The following PTER variants were observed in gnomAD, a reference collection of about 807,000 sequenced individuals.
PTER encodes the protein N-acetyltaurine hydrolase.
PTER carries 38 observed loss-of-function variants against 29.6 expected under a neutral mutation model. The ratio of observed to expected loss-of-function variants is 1.28; its 90% CI spans 0.99 to 1.68. The LOEUF (loss-of-function observed/expected upper bound fraction) is 1.68, where lower values mean the gene tolerates loss of function less well. PTER is among the 40% of genes most tolerant of loss of function. PTER has a pLI of 0.00. For synonymous variants in PTER, 172 were observed against 154.5 expected, an observed-to-expected ratio of 1.11 and a Z score of -0.84; for missense variants, 482 against 427.8, an observed-to-expected ratio of 1.13 and a Z score of -1.12.
At chr10:16,449,067 GT>G (rs1479970742) in intron 1 of PTER, among the ~76,000 whole-genome samples, 1 of 152,242 alleles carries the variant, frequency 6.6e-6, no homozygotes, top group African/African-American at 2.4e-5. Flanking sequence ...GAACAGGGAT[GT>G]GGTGGGAATC....
At chr10:16,439,063 A>C (rs1833759543) in intron 1 of PTER, among the ~76,000 whole-genome samples, 1 of 152,180 alleles carries the variant, frequency 6.6e-6, no homozygotes, top group African/African-American at 2.4e-5. Context: ...GCAGCCCTCA[A>C]ACCAGAATAG....
At chr10:16,508,217 C>T (rs7072182) in intron 4 of PTER, among the ~76,000 whole-genome samples, 4,364 of 151,732 alleles carry the variant, frequency 0.029, 187 homozygotes, top group African/African-American at 0.099. Context: ...TACAGGCACC[C>T]GCCACCACGC....
At chr10:16,473,744 T>C (rs1835151359) in intron 1 of PTER, among the ~76,000 whole-genome samples, 1 of 152,112 alleles carries the variant, frequency 6.6e-6, no homozygotes, top group African/African-American at 2.4e-5. Context: ...CTGAAAGAGA[T>C]ATTGGAGAAA....
chr10:16,449,027 T>A (rs1045564542), intron 1 of PTER, among the ~76,000 whole-genome samples: 6 of 152,264 alleles, frequency 3.9e-5, no homozygotes, highest in African/African-American at 1.4e-4. Flanking sequence ...AAGATCCGTC[T>A]GTCTTCTGCA....
chr10:16,457,073 G>A (rs1834429333), intron 1 of PTER, among the ~76,000 whole-genome samples: 1 of 152,078 alleles, frequency 6.6e-6, no homozygotes, highest in Non-Finnish European at 1.5e-5. Context: ...TTTATCAGCA[G>A]CATGAAAACA....
intron 4 of PTER, among the ~76,000 whole-genome samples, chr10:16,509,268 T>G (rs542692871): frequency 6.6e-6 from 1 of 151,554 alleles, no homozygotes; most frequent in South Asian, 2.1e-4. Context: ...TGATTGTGTG[T>G]CCAGAGCCAT....
chr10:16,497,941 A>T (rs774681983), intron 3 of PTER, among the ~76,000 whole-genome samples: 1 of 152,058 alleles, frequency 6.6e-6, no homozygotes, highest in Non-Finnish European at 1.5e-5. Flanking sequence ...TTAGCTGATG[A>T]CAATTTATTT....
At chr10:16,470,300 A>G (rs1448432751) in intron 1 of PTER, among the ~76,000 whole-genome samples, 1 of 152,250 alleles carries the variant, frequency 6.6e-6, no homozygotes, top group Non-Finnish European at 1.5e-5. Flanking sequence ...AAAAGGCATT[A>G]TTGTTGGTTC....
chr10:16,491,716 G>A (rs946275613), intron 3 of PTER, among the ~76,000 whole-genome samples: 8 of 152,104 alleles, frequency 5.3e-5, no homozygotes, highest in Non-Finnish European at 7.4e-5. Context: ...TAATCAGGCC[G>A]TCGCTGTGCT....
intron 1 of PTER, among the ~76,000 whole-genome samples, chr10:16,451,160 T>C (rs7094422): frequency 0.58 from 88,147 of 151,958 alleles, 26,973 homozygotes; most frequent in African/African-American, 0.78. Context: ...GCCTCCAGCA[T>C]GGGAGAAAGA....
intron 3 of PTER, among the ~76,000 whole-genome samples, chr10:16,504,677 A>G (rs1235347894): frequency 6.6e-6 from 1 of 152,328 alleles, no homozygotes; most frequent in Middle Eastern, 3.4e-3. Flanking sequence ...AATTTACCCC[A>G]TTAAGGATTC....
intron 4 of PTER, among the ~76,000 whole-genome samples, chr10:16,507,427 C>T (rs10904760): frequency 6.6e-6 from 1 of 151,184 alleles, no homozygotes; most frequent in Non-Finnish European, 1.5e-5. Context: ...AAGTGGTTGC[C>T]GTGGAAGTAG....
rs1276249312 is a variant in PTER at position 16,469,899 on chromosome 10, TTG to T, written c.-48-14436_-48-14435del. On this transcript the variant is annotated intron_variant, in intron 1 of 4. Transcript: ENST00000535784. ...CTGGCTGTTTTTTTTGTTTGTTTTT[TTG>T]TTTTTTTTTTTAATTTAAATAAGAG... Among the ~76,000 whole-genome samples, 7 of 133,746 alleles carry T rather than the reference TTG, an allele frequency of 5.2e-5. No homozygotes were observed. In the South Asian group the frequency reaches 1.1e-3, roughly 20 times the overall value. 87.7% of individuals were successfully genotyped at this position (133,746 alleles called of 152,430 possible).
chr10:16,497,198 G>A (rs1231967622), intron 3 of PTER, among the ~76,000 whole-genome samples: 1 of 152,082 alleles, frequency 6.6e-6, no homozygotes, highest in Admixed American at 6.6e-5. Flanking sequence ...GCCTCCCAAA[G>A]TGCTGGGATT....
At chr10:16,475,525 A>G (rs1835227742) in intron 1 of PTER, among the ~76,000 whole-genome samples, 1 of 152,118 alleles carries the variant, frequency 6.6e-6, no homozygotes, top group Non-Finnish European at 1.5e-5. Context: ...TTCCAATGAT[A>G]TGGGTCCCAA....
At chr10:16,445,968 C>T (rs1833998837) in intron 1 of PTER, among the ~76,000 whole-genome samples, 1 of 152,100 alleles carries the variant, frequency 6.6e-6, no homozygotes, top group African/African-American at 2.4e-5. Context: ...ATAGATGATT[C>T]CCTTTTGCTT....
chr10:16,494,455 A>G (rs1836017307), intron 3 of PTER, among the ~76,000 whole-genome samples: 1 of 152,200 alleles, frequency 6.6e-6, no homozygotes, highest in South Asian at 2.1e-4. Context: ...GATGCTTGTT[A>G]AAATATGGAT....
At chr10:16,444,684 C>G (rs1177950672) in intron 1 of PTER, among the ~76,000 whole-genome samples, 1 of 152,158 alleles carries the variant, frequency 6.6e-6, no homozygotes, top group Admixed American at 6.5e-5. Flanking sequence ...TGAGCCACCA[C>G]AACCAGCTAG....
intron 1 of PTER, among the ~76,000 whole-genome samples, chr10:16,467,923 A>G (rs879945702): frequency 3.3e-5 from 5 of 152,236 alleles, no homozygotes; most frequent in Non-Finnish European, 7.3e-5. Flanking sequence ...ACTTTGGGAA[A>G]AACATTTTCC....
Sources: gnomAD v4.1 joint callset for allele counts (sites outside exome capture counted in the v4.1 genomes callset) on GRCh38, gnomAD v4.1.1 for gene constraint, MANE v1.5 for transcripts, NCBI Gene and HGNC (gene_info 2026-07-23, HGNC 2026-07-21) for gene names.